Variants in GAB2 observed in about 807,000 individuals in gnomAD.
GAB2 encodes GRB2 associated binding protein 2.
GAB2 carries 26 observed loss-of-function variants against 65.5 expected under a neutral mutation model. That is an observed-to-expected ratio of 0.40 (90% CI 0.29 to 0.55). GAB2 has a LOEUF of 0.55. Among genes scored for constraint, GAB2 ranks in the 20% least tolerant of loss-of-function variants. The pLI is 0.53. For missense variants in GAB2, 884 were observed against 875.8 expected, an observed-to-expected ratio of 1.01 and a Z score of -0.12; for synonymous variants, 321 against 329.6, an observed-to-expected ratio of 0.97 and a Z score of 0.28.
In GAB2 at chr11:78,226,533, C is replaced by G. The variant is rs777258736; in HGVS notation, c.1139G>C (p.Arg380Thr). The G allele has an allele frequency of 1.3e-6, 2 of 1,566,804 alleles. No individual in the cohort carries two copies. The highest frequency in any genetic ancestry group is 1.7e-6 in the Non-Finnish European group (2 of 1,154,382). Residue 380 changes from arginine (R) to threonine (T), a missense_variant, in exon 4 of 10, where the codon AGA becomes ACA. Transcript: ENST00000361507. Reference sequence around the variant, plus strand: ...TCTGGGGATGGTGGCAGCGACAGATCTGCTATTTTCACTGATTGGCGGTCT... The same window carrying G: ...TCTGGGGATGGTGGCAGCGACAGATGTGCTATTTTCACTGATTGGCGGTCT... ...QQRPPISENS[R>T]SVAATIPRRN...
chr11:78,336,911 T>A (rs1471564782), intron 1 of GAB2, among the ~76,000 whole-genome samples: 5 of 152,210 alleles, frequency 3.3e-5, no homozygotes, highest in African/African-American at 7.2e-5. Flanking sequence ...AACTAAAATA[T>A]GTTAGCATCT....
chr11:78,348,301 T>C (rs926985562), intron 1 of GAB2, among the ~76,000 whole-genome samples: 3 of 151,572 alleles, frequency 2.0e-5, no homozygotes, highest in African/African-American at 7.3e-5. Flanking sequence ...TGTATTCACA[T>C]GTTTTCACAG....
chr11:78,251,019 T>C (rs1035771378), intron 2 of GAB2, among the ~76,000 whole-genome samples: 18 of 151,724 alleles, frequency 1.2e-4, no homozygotes, highest in African/African-American at 3.6e-4. Context: ...ATTTGGGTGA[T>C]AGGATGAACA....
In GAB2 at chr11:78,242,933, C is replaced by T. The variant is rs188598928; in HGVS notation, c.620+7224G>A. Among the ~76,000 whole-genome samples, 164 of 151,952 alleles carry T rather than the reference C, an allele frequency of 1.1e-3. 1 individual carries two copies. The highest frequency in any genetic ancestry group is 5.0e-3 in the Admixed American group (76 of 15,270). On this transcript the variant is annotated intron_variant, in intron 3 of 9. Coordinates refer to ENST00000361507, the MANE Select transcript of GAB2 (RefSeq NM_080491.3). ...ATCCCAGCACTTTGGGAGGCTGAGG[C>T]GGACAGATCACTTGAGATCAGGAGT...
Position 78,307,614 on chromosome 11 carries a change from G to GAGAGAGAGAGAGAGAGAGAGAGAGAGAC in GAB2, c.76-26714_76-26713insGTCTCTCTCTCTCTCTCTCTCTCTCTCT, listed in dbSNP as rs1554986625. Among the ~76,000 whole-genome samples, 172 of 149,678 alleles carry GAGAGAGAGAGAGAGAGAGAGAGAGAGAC rather than the reference G, an allele frequency of 1.1e-3. 1 individual carries two copies. Among genetic ancestry groups the GAGAGAGAGAGAGAGAGAGAGAGAGAGAC allele is most frequent in the Middle Eastern group, 6.9e-3 (2 of 288 alleles). On this transcript the variant is annotated intron_variant, in intron 1 of 9. Transcript: ENST00000361507. ...CTCTACAAAAAATGTTAGAGAGAGA[G>GAGAGAGAGAGAGAGAGAGAGAGAGAGAC]AGAGAGAGAGAGAGAGAGAGATGTT...
At chr11:78,310,346 CAAAAAAA>C (rs140896478) in intron 1 of GAB2, among the ~76,000 whole-genome samples, 1 of 120,106 alleles carries the variant, frequency 8.3e-6, no homozygotes, top group African/African-American at 3.0e-5. Flanking sequence ...ACTAAAAATA[CAAAAAAA>C]AAAAAAAAAA....
intron 2 of GAB2, among the ~76,000 whole-genome samples, chr11:78,279,268 T>G (rs879414865): frequency 4.6e-5 from 7 of 152,126 alleles, no homozygotes; most frequent in Non-Finnish European, 1.0e-4. Context: ...AACGCAGAAC[T>G]TCCTGTTAAA....
intron 1 of GAB2, among the ~76,000 whole-genome samples, chr11:78,299,252 T>C (rs1866924621): frequency 6.6e-6 from 1 of 152,220 alleles, no homozygotes; most frequent in Non-Finnish European, 1.5e-5. Flanking sequence ...AATGTGAACT[T>C]ATGGGGGAAA....
At chr11:78,308,291 C>G (rs924142908) in intron 1 of GAB2, among the ~76,000 whole-genome samples, 1 of 152,032 alleles carries the variant, frequency 6.6e-6, no homozygotes, top group Non-Finnish European at 1.5e-5. Context: ...AGAGGGCATA[C>G]GGGAGGCTGA....
In GAB2 at chr11:78,266,894, A is replaced by G. The variant is rs563289336; in HGVS notation, c.376+13707T>C. ...TGGTAAGGGCACTGAATACGTGAACACAGAAACAGAAACTGAGGCATCACT... is the reference window on the plus strand; with the variant it reads ...TGGTAAGGGCACTGAATACGTGAACGCAGAAACAGAAACTGAGGCATCACT... On this transcript the variant is annotated intron_variant, in intron 2 of 9. Transcript: ENST00000361507. 5.3e-5 allele frequency among the ~76,000 whole-genome samples: 8 copies of G among 152,364 alleles called. No homozygotes were observed. The East Asian group carries it at 1.5e-3, about 29-fold the overall frequency.
At chr11:78,268,424 G>C (rs1432571703) in intron 2 of GAB2, among the ~76,000 whole-genome samples, 3 of 152,254 alleles carry the variant, frequency 2.0e-5, no homozygotes, top group East Asian at 3.9e-4. Context: ...AGAGGTCCAA[G>C]GTGACCTTAC....
intron 4 of GAB2, 114 bp from the exon 5 acceptor site, chr11:78,225,316 C>T (rs1864599957): frequency 1.5e-6 from 1 of 657,356 alleles, no homozygotes; most frequent in Non-Finnish European, 2.7e-6. Flanking sequence ...AGATACTACT[C>T]TCAACCCCAA....
intron 1 of GAB2, among the ~76,000 whole-genome samples, chr11:78,316,040 C>A (rs955740738): frequency 6.6e-6 from 1 of 152,198 alleles, no homozygotes; most frequent in African/African-American, 2.4e-5. Context: ...CCCACTCCCC[C>A]TCCCCCTGCC....
In GAB2 at chr11:78,223,625, A is replaced by G. The variant is rs1255761067; in HGVS notation, c.1354T>C (p.Tyr452His). 1 of 1,613,000 alleles carries G rather than the reference A, an allele frequency of 6.2e-7. No individual in the cohort carries two copies. Among genetic ancestry groups the G allele is most frequent in the East Asian group, 2.2e-5 (1 of 44,844 alleles). The change falls in exon 6 of 10, where the codon TAT becomes CAT. Residue 452 changes from tyrosine (Y) to histidine (H), a missense_variant. Tyr to His is a moderately conservative substitution (Grantham distance 83). Coordinates refer to ENST00000361507, the MANE Select transcript of GAB2 (RefSeq NM_080491.3). ...GAAGAACCTGGATTCATGGGCACAT[A>G]GTTGTCTTCAGAATTGGTGCTGTCC... ...RSDSTNSEDN[Y>H]VPMNPGSSTL...
rs139232046 is a variant in GAB2, at chr11:78,307,539, C to G, written c.76-26638G>C. Among the ~76,000 whole-genome samples, 303 of 150,078 alleles carry G rather than the reference C, an allele frequency of 2.0e-3. 1 individual carries two copies. Among genetic ancestry groups the G allele is most frequent in the African/African-American group, 7.3e-3 (294 of 40,502 alleles). On this transcript the variant is annotated intron_variant, in intron 1 of 9. Coordinates refer to ENST00000361507, the MANE Select transcript of GAB2 (RefSeq NM_080491.3). ...TTGGGAGGCCAAGATAGGAGGATCT[C>G]TTGAGCCCAGGAGTTTGAGACCAGC...
At position 78,413,356 on chromosome 11, in the gene GAB2, A is replaced by C. The variant is rs144125859; in HGVS notation, c.75+4290T>G. Among the ~76,000 whole-genome samples the C allele has an allele frequency of 1.9e-3, 285 of 152,366 alleles. 1 individual carries two copies. Among genetic ancestry groups the C allele is most frequent in the African/African-American group, 6.7e-3 (278 of 41,582 alleles). ...AGGGTCAGTCTAGCAAAGGAAATATAGAGTAGCCAGAAAAGGAGAAATAAC... is the reference window on the plus strand; with the variant it reads ...AGGGTCAGTCTAGCAAAGGAAATATCGAGTAGCCAGAAAAGGAGAAATAAC... On this transcript the variant is annotated intron_variant, in intron 1 of 9. Transcript: ENST00000361507.
chr11:78,242,634 T>C, intron 3 of GAB2, among the ~76,000 whole-genome samples: 1 of 152,058 alleles, frequency 6.6e-6, no homozygotes, highest in Admixed American at 6.5e-5. Flanking sequence ...CAATAAATGC[T>C]AATACCAAAA....
intron 1 of GAB2, among the ~76,000 whole-genome samples, chr11:78,417,292 G>C (rs549903789): frequency 6.6e-6 from 1 of 151,882 alleles, no homozygotes; most frequent in East Asian, 2.0e-4. Flanking sequence ...GCTGCTCGGG[G>C]CTGCCGCGGA....
At position 78,251,002 on chromosome 11, in the gene GAB2, C is replaced by T. The variant is rs78484624; in HGVS notation, c.377-602G>A. On this transcript the variant is annotated intron_variant, in intron 2 of 9. Transcript: ENST00000361507. ...GGATTGAACAACTACCTATGGGGTA[C>T]AATGCTATTTGGGTGATAGGATGAA... Among the ~76,000 whole-genome samples, 779 of 152,050 alleles carry T rather than the reference C, an allele frequency of 5.1e-3. 4 individuals are homozygous for T. Among genetic ancestry groups the T allele is most frequent in the African/African-American group, 0.018 (730 of 41,462 alleles).
Sources: gnomAD v4.1 joint callset for allele counts (sites outside exome capture counted in the v4.1 genomes callset) on GRCh38, gnomAD v4.1.1 for gene constraint, MANE v1.5 for transcripts, NCBI Gene and HGNC (gene_info 2026-07-23, HGNC 2026-07-21) for gene names.